Variants in ANKS1B observed in about 807,000 individuals in gnomAD.
ANKS1B encodes the protein ankyrin repeat and sterile alpha motif domain-containing protein 1B.
In ANKS1B, 36 loss-of-function variants were observed where a neutral mutation model predicts 148.3. That is an observed-to-expected ratio of 0.24 (90% confidence interval 0.19 to 0.32). The LOEUF (loss-of-function observed/expected upper bound fraction) is 0.32, where lower values mean the gene tolerates loss of function less well. Ranked by LOEUF, ANKS1B falls within the 10% of genes least tolerant of loss-of-function variation. The probability of loss-of-function intolerance (pLI) is 1.00; values close to 1 mark genes in which losing one functional copy is unlikely to be tolerated. For synonymous variants in ANKS1B, 542 were observed against 560.8 expected, an observed-to-expected ratio of 0.97 and a Z score of 0.47; for missense variants, 1,157 against 1,542.6, an observed-to-expected ratio of 0.75 and a Z score of 4.19.
chr12:99,694,143 G>A (rs537001455), intron 8 of ANKS1B, among the ~76,000 whole-genome samples: 7 of 148,582 alleles, frequency 4.7e-5, no homozygotes, highest in East Asian at 2.0e-4. Flanking sequence ...CATTAGAATT[G>A]TCAGACTATG....
chr12:99,044,004 ATCTTC>A (rs1276860584), intron 17 of ANKS1B, among the ~76,000 whole-genome samples: 1 of 152,192 alleles, frequency 6.6e-6, no homozygotes, highest in Non-Finnish European at 1.5e-5. Context: ...ATTATCTGAG[ATCTTC>A]TCTTAAGACC....
intron 17 of ANKS1B, among the ~76,000 whole-genome samples, chr12:99,019,947 GA>G (rs1179638981): frequency 6.6e-6 from 1 of 152,050 alleles, no homozygotes; most frequent in Non-Finnish European, 1.5e-5. Flanking sequence ...ATACTGTTGT[GA>G]AAAAGCAGAA....
chr12:99,901,439 T>A (rs1440831387), intron 1 of ANKS1B, among the ~76,000 whole-genome samples: 1 of 152,176 alleles, frequency 6.6e-6, no homozygotes, highest in African/African-American at 2.4e-5. Context: ...TTCTAGCAAT[T>A]TGCAAAAGAT....
intron 14 of ANKS1B, among the ~76,000 whole-genome samples, chr12:99,176,148 C>T (rs2078357374): frequency 6.6e-6 from 1 of 152,096 alleles, no homozygotes; most frequent in Admixed American, 6.6e-5. Flanking sequence ...CACACTTGGC[C>T]TGTGTTTTAT....
At chr12:99,683,520 G>A (rs539186427) in intron 8 of ANKS1B, among the ~76,000 whole-genome samples, 3 of 151,924 alleles carry the variant, frequency 2.0e-5, no homozygotes, top group East Asian at 1.9e-4. Context: ...CAGGACCAGA[G>A]GAATTCACCG....
chr12:99,180,376 C>A (rs1280350982), intron 14 of ANKS1B, among the ~76,000 whole-genome samples: 1 of 152,168 alleles, frequency 6.6e-6, no homozygotes, highest in African/African-American at 2.4e-5. Flanking sequence ...GAATGCCTTG[C>A]ACAAAGGGGG....
At chr12:99,371,137 T>G (rs757561900) in intron 12 of ANKS1B, among the ~76,000 whole-genome samples, 14 of 152,124 alleles carry the variant, frequency 9.2e-5, no homozygotes, top group Non-Finnish European at 1.3e-4. Flanking sequence ...CCTGCTTTTT[T>G]TGTGTGTGTG....
At chr12:99,895,001 A>T (rs1264385491) in intron 1 of ANKS1B, among the ~76,000 whole-genome samples, 1 of 150,930 alleles carries the variant, frequency 6.6e-6, no homozygotes, top group Non-Finnish European at 1.5e-5. Flanking sequence ...TAATCCCATC[A>T]CAAATCAAGG....
intron 1 of ANKS1B, among the ~76,000 whole-genome samples, chr12:99,834,787 C>T (rs995939699): frequency 7.2e-5 from 11 of 152,078 alleles, no homozygotes; most frequent in African/African-American, 2.7e-4. Flanking sequence ...TTATTGATTC[C>T]TATCTGACCC....
chr12:99,730,933 T>G (rs1264966581), intron 8 of ANKS1B, among the ~76,000 whole-genome samples: 1 of 152,128 alleles, frequency 6.6e-6, no homozygotes, highest in African/African-American at 2.4e-5. Flanking sequence ...TTTTGTTTCT[T>G]TTGTTTGTTT....
chr12:99,169,843 A>C (rs2077564648), intron 14 of ANKS1B, among the ~76,000 whole-genome samples: 1 of 152,218 alleles, frequency 6.6e-6, no homozygotes, highest in African/African-American at 2.4e-5. Context: ...TTGAACCCTA[A>C]GTAGCCTGGC....
intron 12 of ANKS1B, among the ~76,000 whole-genome samples, chr12:99,330,679 T>G (rs538939548): frequency 2.0e-5 from 3 of 151,952 alleles, no homozygotes; most frequent in Admixed American, 2.0e-4. Context: ...CTTCAGAAAA[T>G]AAATGCATAA....
At chr12:99,452,220 CT>C (rs1022935305) in intron 10 of ANKS1B, among the ~76,000 whole-genome samples, 2 of 151,980 alleles carry the variant, frequency 1.3e-5, no homozygotes, top group African/African-American at 4.8e-5. Context: ...GAAAATTTTA[CT>C]TACAAAAACA....
intron 1 of ANKS1B, among the ~76,000 whole-genome samples, chr12:99,883,610 T>TG (rs1215954613): frequency 2.1e-5 from 2 of 96,522 alleles, no homozygotes; most frequent in Non-Finnish European, 5.3e-5. Context: ...AGGCATAGAC[T>TG]TGGGGCAGGG....
intron 10 of ANKS1B, among the ~76,000 whole-genome samples, chr12:99,503,922 G>T (rs1441971484): frequency 6.6e-6 from 1 of 152,040 alleles, no homozygotes; most frequent in Non-Finnish European, 1.5e-5. Flanking sequence ...TATAATGGTA[G>T]TCAAAAATCC....
chr12:99,934,229 T>G (rs1282076022), intron 1 of ANKS1B, among the ~76,000 whole-genome samples: 2 of 152,122 alleles, frequency 1.3e-5, no homozygotes, highest in Admixed American at 6.6e-5. Flanking sequence ...GGCCTGTAGT[T>G]TTCTTTTTTT....
intron 9 of ANKS1B, among the ~76,000 whole-genome samples, chr12:99,522,205 T>C (rs2096881922): frequency 6.6e-6 from 1 of 152,210 alleles, no homozygotes; most frequent in Admixed American, 6.5e-5. Flanking sequence ...CCTAGGACTG[T>C]GTTCTCTGCC....
At chr12:99,449,477 T>G (rs2095690060) in intron 10 of ANKS1B, among the ~76,000 whole-genome samples, 1 of 152,160 alleles carries the variant, frequency 6.6e-6, no homozygotes, top group Admixed American at 6.5e-5. Context: ...ACTAGATCAT[T>G]TATTTAATCT....
chr12:99,010,646 T>A (rs2099938771), intron 17 of ANKS1B, among the ~76,000 whole-genome samples: 1 of 152,088 alleles, frequency 6.6e-6, no homozygotes. Context: ...GGTAAAGTTA[T>A]CTATGATATC....
Sources: allele counts gnomAD v4.1 joint callset (sites outside exome capture counted in the v4.1 genomes callset), GRCh38; gene constraint gnomAD v4.1.1; transcripts MANE v1.5; gene names NCBI Gene and HGNC (gene_info 2026-07-23, HGNC 2026-07-21).